GRB10: variants seen among roughly 807,000 people sequenced by gnomAD.
The protein encoded by GRB10 is growth factor receptor-bound protein 10.
Under a neutral mutation model 80.9 loss-of-function variants are expected in GRB10, and 20 were observed. The ratio of observed to expected loss-of-function variants is 0.25; its 90% CI spans 0.17 to 0.36. The LOEUF (loss-of-function observed/expected upper bound fraction) is 0.36. Among genes scored for constraint, GRB10 ranks in the 10% least tolerant of loss-of-function variants. The pLI is 1.00. For synonymous variants in GRB10, 291 were observed against 291.5 expected (o/e 1.00, Z 0.02); for missense variants, 548 against 747.7 (o/e 0.73, Z 3.12).
chr7:50,697,891 T>C (rs532920447), intron 5 of GRB10, among the ~76,000 whole-genome samples: 2 of 152,262 alleles, frequency 1.3e-5, no homozygotes, highest in Non-Finnish European at 2.9e-5. Flanking sequence ...CCAGGTCCAT[T>C]CTGCACAGAC....
intron 12 of GRB10, among the ~76,000 whole-genome samples, chr7:50,614,272 G>A (rs1244357898): frequency 6.6e-6 from 1 of 152,206 alleles, no homozygotes; most frequent in Non-Finnish European, 1.5e-5. Context: ...GTATGTGCAT[G>A]TAGATGTGTG....
intron 10 of GRB10, among the ~76,000 whole-genome samples, chr7:50,616,571 TG>T (rs2050681081): frequency 6.6e-6 from 1 of 152,232 alleles, no homozygotes; most frequent in Non-Finnish European, 1.5e-5. Context: ...TTTCCAACAC[TG>T]GTGATAACAC....
intron 7 of GRB10, chr7:50,645,636 G>A (rs1216523087): frequency 1.0e-6 from 1 of 985,214 alleles, no homozygotes; most frequent in Non-Finnish European, 1.2e-6. Flanking sequence ...CAGACTCCAA[G>A]AGGTCTCCAG....
intron 10 of GRB10, among the ~76,000 whole-genome samples, 178 bp from the exon 11 acceptor site, chr7:50,616,525 A>C (rs1217073363): frequency 6.6e-6 from 1 of 152,232 alleles, no homozygotes; most frequent in Admixed American, 6.5e-5. Flanking sequence ...TGCATAGAAC[A>C]TAATTCGTAT....
exon 1 of GRB10, chr7:50,793,447 T>G (rs2153718593): frequency 6.9e-6 from 1 of 144,834 alleles, no homozygotes; most frequent in Admixed American, 6.8e-5. Context: ...CCTCTCTGCC[T>G]CCTCCCGACC....
intron 6 of GRB10, among the ~76,000 whole-genome samples, chr7:50,670,248 T>G (rs192327073): frequency 1.0e-4 from 13 of 127,070 alleles, no homozygotes; most frequent in Admixed American, 5.0e-4. Flanking sequence ...CCATAGAAAA[T>G]AGAAGGGTGG....
intron 7 of GRB10, among the ~76,000 whole-genome samples, chr7:50,657,458 G>A (rs972799265): frequency 5.3e-5 from 8 of 152,086 alleles, no homozygotes; most frequent in East Asian, 3.9e-4. Flanking sequence ...CTGTGTGAGC[G>A]GAAACACTAC....
chr7:50,682,130 C>T (rs987850562), intron 5 of GRB10, among the ~76,000 whole-genome samples: 2 of 152,218 alleles, frequency 1.3e-5, no homozygotes, highest in Non-Finnish European at 2.9e-5. Flanking sequence ...TGGGAAGGGA[C>T]CTGAAGGGCA....
chr7:50,763,103 GCAAGA>G (rs1421861012), intron 2 of GRB10, among the ~76,000 whole-genome samples: 1 of 148,990 alleles, frequency 6.7e-6, no homozygotes, highest in Non-Finnish European at 1.5e-5. Context: ...GGGCGACAGA[GCAAGA>G]CTCCGTCTCC....
rs117963384 is a variant in GRB10 at position 50,627,704 on chromosome 7, A to G, written c.505-726T>C. On this transcript the variant is annotated intron_variant, in intron 7 of 18. Transcript: ENST00000401949. ...GGACGGGAGTCTATCCCTTCCAGGC[A>G]AGACCCTGCAGCAATGCACCCTTCC... Among the ~76,000 whole-genome samples, 517 of 152,362 alleles carry G rather than the reference A, an allele frequency of 3.4e-3. 3 individuals carry two copies. The highest frequency in any genetic ancestry group is 4.8e-3 in the Non-Finnish European group (329 of 68,026).
intron 2 of GRB10, among the ~76,000 whole-genome samples, chr7:50,773,085 T>C (rs954188360): frequency 2.6e-5 from 4 of 152,140 alleles, no homozygotes; most frequent in Non-Finnish European, 5.9e-5. Flanking sequence ...GTGAAAGGCA[T>C]GTCTCACATG....
chr7:50,709,276 T>C (rs888969383), intron 4 of GRB10, among the ~76,000 whole-genome samples: 1 of 152,168 alleles, frequency 6.6e-6, no homozygotes, highest in Non-Finnish European at 1.5e-5. Context: ...AGCCCTCCAG[T>C]GGGTGAGGAG....
intron 2 of GRB10, among the ~76,000 whole-genome samples, chr7:50,757,813 T>A (rs1038280306): frequency 6.6e-6 from 1 of 152,198 alleles, no homozygotes; most frequent in Non-Finnish European, 1.5e-5. Flanking sequence ...GTGTGTCCCA[T>A]CTCTAGAGAG....
chr7:50,771,296 C>T (rs764250926), intron 2 of GRB10, among the ~76,000 whole-genome samples: 2 of 152,198 alleles, frequency 1.3e-5, no homozygotes, highest in Non-Finnish European at 2.9e-5. Flanking sequence ...TCTACTCCTC[C>T]AGGGCCAGTT....
chr7:50,645,529 G>T, intron 7 of GRB10: 1 of 811,400 alleles, frequency 1.2e-6, no homozygotes, highest in Non-Finnish European at 1.5e-6. Flanking sequence ...AAAAGGATCT[G>T]CTGAGCACCA....
intron 4 of GRB10, among the ~76,000 whole-genome samples, chr7:50,728,753 C>A (rs2069102586): frequency 6.6e-6 from 1 of 152,172 alleles, no homozygotes; most frequent in African/African-American, 2.4e-5. Context: ...TCACTGCAAC[C>A]TCCACCTCCT....
chr7:50,593,556 G>T (rs2046101660), intron 18 of GRB10, among the ~76,000 whole-genome samples: 1 of 152,100 alleles, frequency 6.6e-6, no homozygotes, highest in South Asian at 2.1e-4. Flanking sequence ...AGCAACTGTT[G>T]GGTGGCTATG....
intron 5 of GRB10, among the ~76,000 whole-genome samples, chr7:50,689,748 G>T (rs576722658): frequency 1.3e-5 from 2 of 152,052 alleles, no homozygotes; most frequent in East Asian, 1.9e-4. Context: ...TAACAAAAGT[G>T]ATATTGGAAA....
chr7:50,765,866 G>A (rs1028363560), intron 2 of GRB10, among the ~76,000 whole-genome samples: 22 of 152,296 alleles, frequency 1.4e-4, no homozygotes, highest in African/African-American at 5.3e-4. Flanking sequence ...AATATTTAAG[G>A]TGGTGGGTAT....
Sources: gnomAD v4.1 joint callset for allele counts (sites outside exome capture counted in the v4.1 genomes callset) on GRCh38, gnomAD v4.1.1 for gene constraint, MANE v1.5 for transcripts, NCBI Gene and HGNC (gene_info 2026-07-23, HGNC 2026-07-21) for gene names.